TEX264: variants seen among roughly 807,000 people sequenced by gnomAD.
TEX264 encodes testis expressed 264, ER-phagy receptor.
Under a neutral mutation model 23.4 loss-of-function variants are expected in TEX264, and 13 were observed. That is an observed-to-expected ratio of 0.56 (90% CI 0.36 to 0.88). TEX264 has a LOEUF of 0.88. Ranked by LOEUF, TEX264 falls within the 40% of genes least tolerant of loss-of-function variation. The pLI is 0.01. For missense variants in TEX264, 340 were observed against 406.8 expected (o/e 0.84, Z 1.41); for synonymous variants, 159 against 170.0 (o/e 0.94, Z 0.50).
chr3:51,701,784 A>G (rs1703314916), intron 4 of TEX264, among the ~76,000 whole-genome samples: 1 of 147,554 alleles, frequency 6.8e-6, no homozygotes, highest in African/African-American at 2.7e-5. Flanking sequence ...GGTGCCTGCC[A>G]CCATGCCCGG....
intron 3 of TEX264, among the ~76,000 whole-genome samples, chr3:51,698,243 G>T (rs533075390): frequency 6.6e-6 from 1 of 152,220 alleles, no homozygotes; most frequent in African/African-American, 2.4e-5. Context: ...TCAACCCTAG[G>T]GTTGGCCAGG....
chr3:51,686,380 T>C lies in TEX264; in HGVS notation c.480+1746T>C, dbSNP rs1177428662. The stretch of plus-strand genomic sequence containing the variant: ...TTGCAACTTTGTTCACCAAAGCAGC[T>C]TGGGGAAAGGGACACAGCGTTGATG... On this transcript the variant is annotated intron_variant, in intron 3 of 4. Transcript: ENST00000341333. The surrounding 1 kb of genome is among the most constrained non-coding windows in gnomAD (Gnocchi z 4.1). Among the ~76,000 whole-genome samples the C allele has an allele frequency of 2.0e-5, 3 of 152,186 alleles. No individual in the cohort carries two copies. The highest frequency in any genetic ancestry group is 1.3e-4 in the Admixed American group (2 of 15,298).
In TEX264 at chr3:51,691,797, G is replaced by A. The variant is rs1559679251; in HGVS notation, c.480+7163G>A. ...AGGAGATGGGGAGGAAGAGCCAGAG[G>A]CCACAGTCAAATTCTGCACAAAGAT... is the stretch of plus-strand genomic sequence containing the variant. On this transcript the variant is annotated intron_variant, in intron 3 of 4. Coordinates refer to ENST00000341333, the MANE Select transcript of TEX264 (RefSeq NM_015926.6). The surrounding 1 kb of genome is among the most constrained non-coding windows in gnomAD (Gnocchi z 4.4). Among the ~76,000 whole-genome samples the A allele has an allele frequency of 6.6e-6, 1 of 152,214 alleles. No individual in the cohort carries two copies. The highest frequency in any genetic ancestry group is 1.5e-5 in the Non-Finnish European group (1 of 68,028).
chr3:51,698,489 G>C (rs375418333), intron 3 of TEX264, among the ~76,000 whole-genome samples: 1 of 151,328 alleles, frequency 6.6e-6, no homozygotes, highest in Admixed American at 6.6e-5. Context: ...TGAGTAAGAG[G>C]CAACTTGACC....
At chr3:51,699,794 T>C (rs931998693) in intron 4 of TEX264, among the ~76,000 whole-genome samples, 2 of 152,096 alleles carry the variant, frequency 1.3e-5, no homozygotes, top group African/African-American at 4.8e-5. Context: ...TCACACACAT[T>C]ACCTCCTGGC....
In TEX264 at chr3:51,703,512, CCCTCCTTCCCTCCCTCCCTT is replaced by C. The variant is rs1020325374; in HGVS notation, c.650-206_650-187del. ...CTCCTCCCACCCTCTCTCCCTCCCT[CCCTCCTTCCCTCCCTCCCTT>C]CCTCCCAGCTCTTTCCCTCTGCCCT... On this transcript the variant is annotated intron_variant, in intron 4 of 4. Coordinates refer to ENST00000341333, the MANE Select transcript of TEX264 (RefSeq NM_015926.6). The surrounding 1 kb of genome is among the most constrained non-coding windows in gnomAD (Gnocchi z 4.8). Among the ~76,000 whole-genome samples, 1 of 148,880 alleles carries C rather than the reference CCCTCCTTCCCTCCCTCCCTT, an allele frequency of 6.7e-6. No homozygotes were observed. Among genetic ancestry groups the C allele is most frequent in the African/African-American group, 2.5e-5 (1 of 39,794 alleles).
At position 51,673,837 on chromosome 3, in the gene TEX264, T is replaced by A. The variant is rs573759487; in HGVS notation, c.-34-434T>A. On this transcript the variant is annotated intron_variant, in intron 1 of 4. Transcript: ENST00000341333. ...TCCCTCTGGCAGTCGTCCCTGAGGC[T>A]TGGGGAGGCTGGGCTGGTGGCGTGG... Among the ~76,000 whole-genome samples the A allele has an allele frequency of 1.5e-4, 23 of 152,280 alleles. No individual in the cohort carries two copies. The South Asian group carries it at 4.8e-3, about 32-fold the overall frequency.
In TEX264 at chr3:51,686,744, C is replaced by A. The variant is rs926384830; in HGVS notation, c.480+2110C>A. 3.3e-5 allele frequency among the ~76,000 whole-genome samples: 5 copies of A among 152,012 alleles called. No individual in the cohort carries two copies. The highest frequency in any genetic ancestry group is 1.2e-4 in the African/African-American group (5 of 41,376). ...TGCCCTAGGCCTGCTTAGTGTGCTG[C>A]CTCTGGGGAGTCCCGCCCCATTTCA... On this transcript the variant is annotated intron_variant, in intron 3 of 4. Transcript: ENST00000341333. This position sits in a 1 kb window ranked among gnomAD's most constrained non-coding sequence, Gnocchi z 4.1.
At chr3:51,685,133 C>T (rs558901619) in intron 3 of TEX264, among the ~76,000 whole-genome samples, 2 of 152,350 alleles carry the variant, frequency 1.3e-5, no homozygotes, top group African/African-American at 4.8e-5. Flanking sequence ...GTTTCCTTTA[C>T]TTCCTGACTT....
intron 4 of TEX264, among the ~76,000 whole-genome samples, chr3:51,701,322 C>CTT (rs398062322): frequency 0.03 from 4,265 of 143,724 alleles, 238 homozygotes; most frequent in African/African-American, 0.1. Flanking sequence ...TATTGCATTC[C>CTT]TTTTTTTTTT....
intron 3 of TEX264, among the ~76,000 whole-genome samples, chr3:51,698,919 G>GCTGGT (rs1703173499): frequency 6.6e-6 from 1 of 152,192 alleles, no homozygotes; most frequent in South Asian, 2.1e-4. Context: ...GACTGGGGGT[G>GCTGGT]CTGGTCTTCT....
rs1702627035 is a variant in TEX264 at position 51,686,554 on chromosome 3, C to G, written c.480+1920C>G. ...GAAGACCTGGAAAGGGGAGGGCTGT[C>G]ACGGTGATAAGGCAAGGGCACAGGG... On this transcript the variant is annotated intron_variant, in intron 3 of 4. Coordinates refer to ENST00000341333, the MANE Select transcript of TEX264 (RefSeq NM_015926.6). The surrounding 1 kb of genome is among the most constrained non-coding windows in gnomAD (Gnocchi z 4.1). 6.6e-6 allele frequency among the ~76,000 whole-genome samples: 1 copy of G among 151,976 alleles called. No homozygotes were observed. The highest frequency in any genetic ancestry group is 2.4e-5 in the African/African-American group (1 of 41,346).
At chr3:51,694,089 T>TTCCTTCCG (rs1702958539) in intron 3 of TEX264, among the ~76,000 whole-genome samples, 4 of 48,018 alleles carry the variant, frequency 8.3e-5, no homozygotes, top group African/African-American at 6.2e-4. Flanking sequence ...CCGTCCGTCC[T>TTCCTTCCG]TCCTTCCTTC....
intron 4 of TEX264, among the ~76,000 whole-genome samples, chr3:51,702,825 A>G (rs1469417426): frequency 6.6e-6 from 1 of 152,214 alleles, no homozygotes; most frequent in Non-Finnish European, 1.5e-5. Context: ...GACAGGGCAG[A>G]TGAAGGGGCT....
At chr3:51,693,763 A>AG (rs1159522678) in intron 3 of TEX264, among the ~76,000 whole-genome samples, 1 of 152,100 alleles carries the variant, frequency 6.6e-6, no homozygotes, top group Non-Finnish European at 1.5e-5. Flanking sequence ...GACAGGCGTG[A>AG]GCCACCACTC....
intron 3 of TEX264, among the ~76,000 whole-genome samples, chr3:51,687,721 G>A (rs1457376001): frequency 6.6e-6 from 1 of 152,134 alleles, no homozygotes; most frequent in African/African-American, 2.4e-5. Context: ...CCAGAGGCTA[G>A]GTGAGGGGCA....
intron 2 of TEX264, among the ~76,000 whole-genome samples, chr3:51,677,796 C>T (rs540917249): frequency 7.9e-5 from 12 of 152,294 alleles, no homozygotes; most frequent in Admixed American, 5.9e-4. Flanking sequence ...GCCTTGTGCC[C>T]TGGAGTCCTG....
intron 3 of TEX264, among the ~76,000 whole-genome samples, chr3:51,689,570 G>A (rs1702752954): frequency 6.6e-6 from 1 of 152,084 alleles, no homozygotes; most frequent in Non-Finnish European, 1.5e-5. Context: ...TCAGCCTGTG[G>A]TGGGAGCTGT....
Position 51,674,602 on chromosome 3 carries a change from T to G in TEX264, c.258+40T>G, listed in dbSNP as rs1003151593. 5 of 1,601,886 alleles carry G rather than the reference T, an allele frequency of 3.1e-6. No homozygotes were observed. In the African/African-American group the frequency reaches 6.7e-5, roughly 22 times the overall value. ...TGGGGTTCTGCCCCATGGATGGGCC[T>G]GGTGGGCCAGGGCTTCTTTGGGGAG... On this transcript the variant is annotated intron_variant, in intron 2 of 4. Transcript: ENST00000341333.
Sources: gnomAD v4.1 joint callset for allele counts (sites outside exome capture counted in the v4.1 genomes callset) on GRCh38, gnomAD v4.1.1 for gene constraint, Gnocchi (gnomAD v3.1) non-coding constraint, MANE v1.5 for transcripts, NCBI Gene and HGNC (gene_info 2026-07-23, HGNC 2026-07-21) for gene names.